Variants in MED12L observed in about 807,000 individuals in gnomAD.
MED12L encodes the protein mediator of RNA polymerase II transcription subunit 12-like protein.
A neutral mutation model predicts 281.3 loss-of-function variants in MED12L; 60 were observed. That is an observed-to-expected ratio of 0.21 (90% confidence interval 0.17 to 0.26). The LOEUF is 0.26. Ranked by LOEUF, MED12L falls within the 10% of genes least tolerant of loss-of-function variation. The pLI, the probability that MED12L is intolerant of heterozygous loss-of-function variation, is 1.00. For missense variants in MED12L, 2,146 were observed against 2,680.9 expected, an observed-to-expected ratio of 0.80 and a Z score of 4.41; for synonymous variants, 974 against 987.2, an observed-to-expected ratio of 0.99 and a Z score of 0.25.
intron 36 of MED12L, 119 bp from the exon 37 acceptor site, chr3:151,387,691 C>T (rs889241652): frequency 2.5e-6 from 3 of 1,196,528 alleles, no homozygotes; most frequent in East Asian, 2.4e-5. Context: ...GCTGTATTCT[C>T]GGGTTCTCTA....
At chr3:151,192,867 C>G (rs1205997092) in intron 15 of MED12L, among the ~76,000 whole-genome samples, 1 of 152,116 alleles carries the variant, frequency 6.6e-6, no homozygotes, top group Non-Finnish European at 1.5e-5. Flanking sequence ...CACTCCTGTC[C>G]TCCTGGTTGG....
rs544978400 is a variant in MED12L at position 151,142,292 on chromosome 3, G to A, written c.557-13869G>A. On this transcript the variant is annotated intron_variant, in intron 5 of 44. Coordinates refer to ENST00000687756, the MANE Select transcript of MED12L (RefSeq NM_001393769.1). ...ATGAAGATCAACTGTGTGAAGCTGA[G>A]TGGGGGAATGGTGTTTGCTTAAGGT... Among the ~76,000 whole-genome samples the A allele has an allele frequency of 2.6e-5, 4 of 152,330 alleles. No individual in the cohort carries two copies. In the South Asian group the frequency reaches 8.3e-4, roughly 32 times the overall value.
intron 5 of MED12L, among the ~76,000 whole-genome samples, chr3:151,142,275 C>T (rs907144708): frequency 6.6e-6 from 1 of 152,184 alleles, no homozygotes; most frequent in Non-Finnish European, 1.5e-5. Flanking sequence ...AAATGAAGAT[C>T]AACTGTGTGA....
At position 151,401,290 on chromosome 3, in the gene MED12L, TTTAACTG is replaced by T. The variant is rs1303424794; in HGVS notation, c.5820+6434_5820+6440del. Among the ~76,000 whole-genome samples, 3 of 152,218 alleles carry T rather than the reference TTTAACTG, an allele frequency of 2.0e-5. No homozygotes were observed. The East Asian group carries it at 5.8e-4, about 29-fold the overall frequency. On this transcript the variant is annotated intron_variant, in intron 39 of 44. Coordinates refer to ENST00000687756, the MANE Select transcript of MED12L (RefSeq NM_001393769.1). ...TTCAGTTTTTTTGTTTGTTTTTTTT[TTTAACTG>T]TTAACTGTTACAGTAAACATTCTTT...
At chr3:151,163,282 C>T (rs897141385) in intron 8 of MED12L, among the ~76,000 whole-genome samples, 28 of 152,158 alleles carry the variant, frequency 1.8e-4, no homozygotes, top group African/African-American at 6.5e-4. Flanking sequence ...GGATCAAATT[C>T]GGCCCACAAG....
At chr3:151,429,167 T>A (rs1577633039) in intron 43 of MED12L, among the ~76,000 whole-genome samples, 1 of 152,152 alleles carries the variant, frequency 6.6e-6, no homozygotes, top group Non-Finnish European at 1.5e-5. Context: ...CTTCCCGGTG[T>A]GGGGCGTGGC....
At chr3:151,296,368 A>G in intron 16 of MED12L, among the ~76,000 whole-genome samples, 1 of 152,152 alleles carries the variant, frequency 6.6e-6, no homozygotes, top group Non-Finnish European at 1.5e-5. Context: ...ATGGACAGGT[A>G]GCTCCTGCTG....
chr3:151,273,227 CTTT>C (rs63035061), intron 16 of MED12L, among the ~76,000 whole-genome samples: 2 of 106,158 alleles, frequency 1.9e-5, no homozygotes. Context: ...TTGTTGTGTT[CTTT>C]TTTTTTTTTT....
intron 2 of MED12L, among the ~76,000 whole-genome samples, chr3:151,096,074 G>C (rs1463707421): frequency 1.3e-5 from 2 of 152,160 alleles, no homozygotes; most frequent in African/African-American, 2.4e-5. Flanking sequence ...TCTTTGGAAA[G>C]GTAATAAAAG....
At chr3:151,384,892 C>A (rs1713062780) in intron 35 of MED12L, 138 bp from the exon 36 acceptor site, 1 of 645,720 alleles carries the variant, frequency 1.5e-6, no homozygotes. Context: ...CCTTGTAGAA[C>A]ATGTTCAGGG....
chr3:151,406,271 C>T (rs1171563234), intron 39 of MED12L, among the ~76,000 whole-genome samples: 1 of 152,192 alleles, frequency 6.6e-6, no homozygotes, highest in Non-Finnish European at 1.5e-5. Context: ...TCTTATTTAA[C>T]ATTTGTAAAA....
intron 16 of MED12L, among the ~76,000 whole-genome samples, chr3:151,279,033 T>C (rs1023411665): frequency 6.6e-6 from 1 of 152,242 alleles, no homozygotes. Flanking sequence ...CCTTTCAGGC[T>C]CTGTAATATA....
chr3:151,277,336 C>G (rs932511849), intron 16 of MED12L, among the ~76,000 whole-genome samples: 1 of 151,946 alleles, frequency 6.6e-6, no homozygotes, highest in African/African-American at 2.4e-5. Context: ...ATATAAAATT[C>G]ATTGCATGTT....
intron 16 of MED12L, among the ~76,000 whole-genome samples, chr3:151,237,969 A>G (rs1054306285): frequency 5.9e-5 from 9 of 152,120 alleles, no homozygotes; most frequent in African/African-American, 2.2e-4. Flanking sequence ...TCTACTATAA[A>G]TAGGCTTTCT....
intron 16 of MED12L, among the ~76,000 whole-genome samples, chr3:151,207,289 T>C (rs1726508932): frequency 6.6e-6 from 1 of 152,178 alleles, no homozygotes; most frequent in Non-Finnish European, 1.5e-5. Flanking sequence ...AATTACAGGC[T>C]GCCTCCTGAG....
chr3:151,422,079 G>T (rs1466574196), intron 43 of MED12L, among the ~76,000 whole-genome samples: 2 of 152,166 alleles, frequency 1.3e-5, no homozygotes, highest in African/African-American at 4.8e-5. Context: ...GATTGCAGTC[G>T]TGTGTGTGGT....
intron 11 of MED12L, among the ~76,000 whole-genome samples, chr3:151,179,409 C>T (rs147141193): frequency 2.0e-5 from 3 of 152,190 alleles, no homozygotes; most frequent in Non-Finnish European, 2.9e-5. Context: ...AGACCTTTGG[C>T]ATCTGAAATG....
Position 151,127,936 on chromosome 3 carries a change from A to G in MED12L, c.508A>G (p.Ile170Val), listed in dbSNP as rs879180905. The G allele has an allele frequency of 3.7e-6, 6 of 1,614,156 alleles. No individual in the cohort carries two copies. Among genetic ancestry groups the G allele is most frequent in the Non-Finnish European group, 4.2e-6 (5 of 1,179,986 alleles). ...IKMTCAYYSA[I>V]SEAKIKKRQA... Reference sequence around the variant, plus strand: ...GATGACTTGTGCCTATTATTCTGCTATATCTGAAGCTAAAATTAAGAAACG... The same window carrying G: ...GATGACTTGTGCCTATTATTCTGCTGTATCTGAAGCTAAAATTAAGAAACG... Residue 170 changes from isoleucine (I) to valine (V), a missense_variant, in exon 5 of 45, where the codon ATA becomes GTA. Transcript: ENST00000687756.
chr3:151,244,732 T>A, intron 16 of MED12L, among the ~76,000 whole-genome samples: 1 of 151,388 alleles, frequency 6.6e-6, no homozygotes, highest in Non-Finnish European at 1.5e-5. Flanking sequence ...GCAAACACAT[T>A]CAAAAGCTAG....
Sources: gnomAD v4.1 joint callset for allele counts (sites outside exome capture counted in the v4.1 genomes callset) on GRCh38, gnomAD v4.1.1 for gene constraint, MANE v1.5 for transcripts, NCBI Gene and HGNC (gene_info 2026-07-23, HGNC 2026-07-21) for gene names.